TNFSF4: variants seen among roughly 807,000 people sequenced by gnomAD.
TNFSF4 encodes tumor necrosis factor ligand superfamily member 4.
A neutral mutation model predicts 7.3 loss-of-function variants in TNFSF4; 4 were observed. That is an observed-to-expected ratio of 0.55 (90% CI 0.27 to 1.25). The LOEUF is 1.25. TNFSF4 is among the 50% of genes most tolerant of loss of function. TNFSF4 has a pLI of 0.12. For synonymous variants in TNFSF4, 76 were observed against 83.7 expected (o/e 0.91, Z 0.50); for missense variants, 181 against 208.8 (o/e 0.87, Z 0.82).
At chr1:173,252,904 CTTCTAGCAGGA>C in the TNFSF4 span, among the ~76,000 whole-genome samples, 1 of 152,214 alleles carries the variant, frequency 6.6e-6, no homozygotes, top group African/African-American at 2.4e-5. Flanking sequence ...TACAAGCTTC[CTTCTAGCAGGA>C]TAAGTTTCAG....
At chr1:173,429,205 T>G in the TNFSF4 span, among the ~76,000 whole-genome samples, 1 of 152,106 alleles carries the variant, frequency 6.6e-6, no homozygotes, top group Non-Finnish European at 1.5e-5. Context: ...TTAAAACATT[T>G]CTTTAAAAAA....
At chr1:173,318,212 G>A in the TNFSF4 span, among the ~76,000 whole-genome samples, 1 of 152,144 alleles carries the variant, frequency 6.6e-6, no homozygotes, top group African/African-American at 2.4e-5. Context: ...AGGCCAAGGG[G>A]GGTGGATCAT....
chr1:173,231,255 G>A, the TNFSF4 span, among the ~76,000 whole-genome samples: 3 of 152,208 alleles, frequency 2.0e-5, no homozygotes, highest in East Asian at 3.8e-4. Flanking sequence ...CCATGATCAA[G>A]TGGGCTTCAC....
chr1:173,223,624 T>C, the TNFSF4 span, among the ~76,000 whole-genome samples: 1 of 152,214 alleles, frequency 6.6e-6, no homozygotes, highest in Non-Finnish European at 1.5e-5. Context: ...TTCAAATGCC[T>C]ACGAAGGTTA....
At chr1:173,423,736 G>T in the TNFSF4 span, among the ~76,000 whole-genome samples, 1 of 152,192 alleles carries the variant, frequency 6.6e-6, no homozygotes, top group South Asian at 2.1e-4. Context: ...CCAAAACTAT[G>T]CCTATCTTCT....
the TNFSF4 span, among the ~76,000 whole-genome samples, chr1:173,443,051 C>T: frequency 2.0e-5 from 3 of 152,116 alleles, no homozygotes; most frequent in East Asian, 1.9e-4. Flanking sequence ...GACAGTGAGC[C>T]TTGAGATGGG....
At chr1:173,386,892 T>A in the TNFSF4 span, among the ~76,000 whole-genome samples, 1 of 152,236 alleles carries the variant, frequency 6.6e-6, no homozygotes, top group African/African-American at 2.4e-5. Context: ...TTGGGACCTA[T>A]TACTCCTCCC....
At chr1:173,231,394 A>T in the TNFSF4 span, among the ~76,000 whole-genome samples, 1 of 152,256 alleles carries the variant, frequency 6.6e-6, no homozygotes, top group Non-Finnish European at 1.5e-5. Context: ...AAAATTCAAT[A>T]GCCCTTCATG....
chr1:173,224,664 G>C, the TNFSF4 span, among the ~76,000 whole-genome samples: 2 of 152,214 alleles, frequency 1.3e-5, no homozygotes, highest in Non-Finnish European at 2.9e-5. Context: ...CTAGTAAGCA[G>C]TGGTTAGACA....
the TNFSF4 span, among the ~76,000 whole-genome samples, chr1:173,298,371 T>A: frequency 3.9e-5 from 6 of 152,052 alleles, no homozygotes; most frequent in Non-Finnish European, 7.4e-5. Context: ...ATGGTTTAGT[T>A]AACATGTAAT....
chr1:173,221,861 G>A, the TNFSF4 span, among the ~76,000 whole-genome samples: 1 of 152,156 alleles, frequency 6.6e-6, no homozygotes, highest in Non-Finnish European at 1.5e-5. Flanking sequence ...CCTAATCCTA[G>A]GGCCACTATT....
the TNFSF4 span, among the ~76,000 whole-genome samples, chr1:173,421,193 T>G: frequency 1.3e-5 from 2 of 152,256 alleles, no homozygotes; most frequent in Admixed American, 1.3e-4. Context: ...TTTTAGCATA[T>G]GTCCCACGCA....
At chr1:173,366,270 T>C in the TNFSF4 span, among the ~76,000 whole-genome samples, 5 of 152,174 alleles carry the variant, frequency 3.3e-5, no homozygotes, top group Non-Finnish European at 5.9e-5. Context: ...GTGGTATTAA[T>C]ACATATCCAC....
chr1:173,354,855 C>T, the TNFSF4 span, among the ~76,000 whole-genome samples: 1 of 152,200 alleles, frequency 6.6e-6, no homozygotes, highest in Non-Finnish European at 1.5e-5. Flanking sequence ...TCCTGGCTCA[C>T]AAATGATGCT....
At chr1:173,234,679 G>T in the TNFSF4 span, among the ~76,000 whole-genome samples, 1 of 152,106 alleles carries the variant, frequency 6.6e-6, no homozygotes, top group Non-Finnish European at 1.5e-5. Flanking sequence ...TCATTCTCAG[G>T]AAACTATCGC....
At chr1:173,263,919 C>A in the TNFSF4 span, among the ~76,000 whole-genome samples, 1 of 152,144 alleles carries the variant, frequency 6.6e-6, no homozygotes, top group Non-Finnish European at 1.5e-5. Context: ...AGGTGACACA[C>A]CACAGCAAAC....
In TNFSF4 at chr1:173,189,659, G is replaced by A. The variant is rs1571186414; in HGVS notation, c.154-1090C>T. Among the ~76,000 whole-genome samples the A allele has an allele frequency of 4.6e-5, 7 of 152,108 alleles. No individual in the cohort carries two copies. In the South Asian group the frequency reaches 1.5e-3, roughly 32 times the overall value. ...ATCTCTTAAGTAAAAAAAAGTTGGG[G>A]GGGGTGCAGAATTATACATAAAATA... On this transcript the variant is annotated intron_variant, in intron 1 of 2. Transcript: ENST00000281834.
the TNFSF4 span, among the ~76,000 whole-genome samples, chr1:173,419,970 A>G: frequency 2.0e-4 from 30 of 152,186 alleles, no homozygotes; most frequent in Non-Finnish European, 3.7e-4. Context: ...ATCAGCATCA[A>G]TGCATCACCT....
At chr1:173,342,282 G>A in the TNFSF4 span, among the ~76,000 whole-genome samples, 8 of 151,946 alleles carry the variant, frequency 5.3e-5, no homozygotes, top group Admixed American at 6.6e-5. Flanking sequence ...GTTCCTATAG[G>A]GCTACCCCTT....
Sources: allele counts gnomAD v4.1 joint callset (sites outside exome capture counted in the v4.1 genomes callset), GRCh38; gene constraint gnomAD v4.1.1; transcripts MANE v1.5; gene names NCBI Gene and HGNC (gene_info 2026-07-23, HGNC 2026-07-21).